The following GTF2H1 variants were observed in gnomAD, a reference collection of about 807,000 sequenced individuals.
GTF2H1 encodes the protein BTF2 p62.
In GTF2H1, 16 loss-of-function variants were observed where a neutral mutation model predicts 71.2. The observed-to-expected ratio is 0.22, with a 90% CI of 0.15 to 0.34. The LOEUF (loss-of-function observed/expected upper bound fraction) is 0.34. Ranked by LOEUF, GTF2H1 falls within the 10% of genes least tolerant of loss-of-function variation. The probability of loss-of-function intolerance (pLI) is 1.00; values close to 1 mark genes in which losing one functional copy is unlikely to be tolerated. For synonymous variants in GTF2H1, 215 were observed against 219.0 expected (o/e 0.98, Z 0.16); for missense variants, 498 against 648.2 (o/e 0.77, Z 2.52).
At chr11:18,324,283 A>G (rs1203319911) in intron 1 of GTF2H1, 2 of 152,202 alleles carry the variant, frequency 1.3e-5, no homozygotes, top group Non-Finnish European at 2.9e-5. Flanking sequence ...GACTTGTAGC[A>G]GTGCAACAGA....
Position 18,335,791 on chromosome 11 carries a change from G to C in GTF2H1, c.192G>C (p.Gln64His), listed in dbSNP as rs201824740. The C allele has an allele frequency of 9.9e-6, 16 of 1,613,888 alleles. No homozygotes were observed. In the East Asian group the frequency reaches 3.6e-4, roughly 36 times the overall value. Residue 64 changes from glutamine (Q) to histidine (H), a missense_variant, in exon 3 of 15, where the codon CAG (glutamine) becomes CAC (histidine). Physicochemically the swap from Gln to His is conservative, Grantham distance 24. This residue lies in a region of GTF2H1 where 216 missense variants were observed against 306.2 expected (regional missense o/e 0.71). Coordinates refer to ENST00000265963, the MANE Select transcript of GTF2H1 (RefSeq NM_005316.4). ...KISPEGKAKI[Q>H]LQLVLHAGDT... ...GTCCAGAAGGAAAAGCTAAAATTCA[G>C]CTTCAGCTGGTCCTACATGCAGGGG... is the stretch of plus-strand genomic sequence containing the variant.
At chr11:18,332,242 A>G (rs1034937241) in intron 1 of GTF2H1, among the ~76,000 whole-genome samples, 4 of 152,264 alleles carry the variant, frequency 2.6e-5, no homozygotes, top group Non-Finnish European at 5.9e-5. Context: ...GATGAAAACT[A>G]AAGTCATAAC....
In GTF2H1 at chr11:18,365,827, G is replaced by A. The variant is rs1865811671; in HGVS notation, c.1605G>A (p.Lys535=). The A allele has an allele frequency of 6.2e-7, 1 of 1,613,870 alleles. No individual in the cohort carries two copies. The highest frequency in any genetic ancestry group is 8.5e-7 in the Non-Finnish European group (1 of 1,179,830). The change falls in exon 15 of 15, where the codon AAG becomes AAA. Residue 535 remains lysine, a synonymous_variant. Transcript: ENST00000265963. ...IEEMLQTAYN[K]LHTWQSRRLM... Reference sequence around the variant, plus strand: ...AGATGCTCCAGACAGCCTACAACAAGCTCCACACATGGCAGTCACGGCGTC... The same window carrying A: ...AGATGCTCCAGACAGCCTACAACAAACTCCACACATGGCAGTCACGGCGTC...
intron 14 of GTF2H1, among the ~76,000 whole-genome samples, chr11:18,362,620 TCTCTCTCTCTCC>T (rs988074567): frequency 1.3e-5 from 2 of 151,196 alleles, no homozygotes; most frequent in African/African-American, 4.8e-5. Context: ...TCTCTCTTTC[TCTCTCTCTCTCC>T]CTCTCTCCGT....
intron 11 of GTF2H1, among the ~76,000 whole-genome samples, 182 bp from the exon 12 acceptor site, chr11:18,357,770 A>G (rs1177156374): frequency 6.6e-6 from 1 of 152,124 alleles, no homozygotes; most frequent in Admixed American, 6.6e-5. Context: ...TCTTCTTTCT[A>G]CACGGATTGT....
At chr11:18,346,131 C>T (rs1865288238) in intron 7 of GTF2H1, among the ~76,000 whole-genome samples, 1 of 152,112 alleles carries the variant, frequency 6.6e-6, no homozygotes, top group Admixed American at 6.6e-5. Context: ...TTTAGCCTCA[C>T]CAATTCCTGG....
intron 9 of GTF2H1, chr11:18,348,565 A>G (rs1865352754): frequency 6.6e-6 from 1 of 152,328 alleles, no homozygotes; most frequent in Admixed American, 6.5e-5. Context: ...AGAAAGATGT[A>G]TACTAAGATT....
chr11:18,345,058 G>A (rs1865256008), intron 7 of GTF2H1, among the ~76,000 whole-genome samples: 2 of 151,052 alleles, frequency 1.3e-5, no homozygotes, highest in East Asian at 1.9e-4. Flanking sequence ...GGGCATAGTG[G>A]TATACACTTG....
intron 4 of GTF2H1, 62 bp from the exon 5 acceptor site, chr11:18,339,502 T>C: frequency 8.7e-7 from 1 of 1,147,208 alleles, no homozygotes; most frequent in Non-Finnish European, 1.3e-6. Flanking sequence ...CAGTGTCCAC[T>C]GGGACCTGAG....
intron 11 of GTF2H1, among the ~76,000 whole-genome samples, chr11:18,356,525 A>G (rs537060225): frequency 2.6e-5 from 4 of 152,306 alleles, no homozygotes; most frequent in South Asian, 2.1e-4. Context: ...AATGTAGACT[A>G]TAGTTGTCCA....
chr11:18,356,717 T>C (rs1427768685), intron 11 of GTF2H1, among the ~76,000 whole-genome samples: 3 of 151,646 alleles, frequency 2.0e-5, no homozygotes, highest in Non-Finnish European at 4.4e-5. Context: ...CCTGAGTCAC[T>C]AGGATTATAA....
chr11:18,363,461 A>G (rs1253618370), intron 14 of GTF2H1, among the ~76,000 whole-genome samples: 2 of 152,140 alleles, frequency 1.3e-5, no homozygotes, highest in African/African-American at 2.4e-5. Flanking sequence ...TCTCAGCTCT[A>G]TTATAATCTG....
chr11:18,355,115 A>T lies in GTF2H1; in HGVS notation c.1260+2669A>T, dbSNP rs11828988. Among the ~76,000 whole-genome samples the T allele has an allele frequency of 2.6e-3, 372 of 144,746 alleles. 1 individual carries two copies. The highest frequency in any genetic ancestry group is 7.9e-3 in the African/African-American group (310 of 39,290). The allele number at this position is 144,746 out of a possible 152,430, so 95.0% of individuals were successfully genotyped here. Reference sequence around the variant, plus strand: ...CGTTTTTTTCTTTTTCCTTTTTTTTAAAATTTTTTTAATTTTTCTTTATTT... The same window carrying T: ...CGTTTTTTTCTTTTTCCTTTTTTTTTAAATTTTTTTAATTTTTCTTTATTT... On this transcript the variant is annotated intron_variant, in intron 11 of 14. Coordinates refer to ENST00000265963, the MANE Select transcript of GTF2H1 (RefSeq NM_005316.4).
At chr11:18,353,203 C>T (rs377754594) in intron 11 of GTF2H1, among the ~76,000 whole-genome samples, 1 of 152,188 alleles carries the variant, frequency 6.6e-6, no homozygotes, top group East Asian at 1.9e-4. Context: ...CCAGCCTGGG[C>T]GACAAGAGCG....
At chr11:18,334,779 T>G (rs1325625119) in intron 2 of GTF2H1, among the ~76,000 whole-genome samples, 1 of 152,236 alleles carries the variant, frequency 6.6e-6, no homozygotes, top group Non-Finnish European at 1.5e-5. Context: ...CTACGTAATA[T>G]GCCCCACCTA....
In GTF2H1 at chr11:18,351,353, C is replaced by T. The variant is rs1397497198; in HGVS notation, c.1054-528C>T. 3.3e-5 allele frequency among the ~76,000 whole-genome samples: 5 copies of T among 150,136 alleles called. No homozygotes were observed. In the Admixed American group the frequency reaches 3.3e-4, roughly 10 times the overall value. ...CTGGAACGCAGTGGCGTGATCTCAG[C>T]TCACTGCAACCTCTGCCTCCCGGGT... On this transcript the variant is annotated intron_variant, in intron 9 of 14. Transcript: ENST00000265963.
At chr11:18,348,514 G>A in intron 9 of GTF2H1, 1 of 152,568 alleles carries the variant, frequency 6.6e-6, no homozygotes, top group East Asian at 1.9e-4. Flanking sequence ...AATGTTTAAA[G>A]CTTTACACCC....
At chr11:18,353,212 C>T (rs1264435036) in intron 11 of GTF2H1, among the ~76,000 whole-genome samples, 4 of 152,190 alleles carry the variant, frequency 2.6e-5, no homozygotes, top group South Asian at 2.1e-4. Flanking sequence ...GCGACAAGAG[C>T]GAAGCTCCAT....
chr11:18,341,518 G>T lies in GTF2H1; in HGVS notation c.758-10G>T. The T allele has an allele frequency of 1.9e-6, 3 of 1,607,952 alleles. No individual in the cohort carries two copies. Among genetic ancestry groups the T allele is most frequent in the South Asian group, 1.1e-5 (1 of 89,956 alleles). On this transcript the variant is annotated splice_polypyrimidine_tract_variant and intron_variant, in intron 6 of 14. Coordinates refer to ENST00000265963, the MANE Select transcript of GTF2H1 (RefSeq NM_005316.4). ...GACATGCTGAACTTTTTATTTTGTT[G>T]ATTTTCTAGGCCTAAAAACAATGGT...
Sources: gnomAD v4.1 joint callset for allele counts (sites outside exome capture counted in the v4.1 genomes callset) on GRCh38, gnomAD v4.1.1 for gene constraint, gnomAD v4.1.1 regional missense constraint, MANE v1.5 for transcripts, NCBI Gene and HGNC (gene_info 2026-07-23, HGNC 2026-07-21) for gene names.